The following CUBN variants were observed in gnomAD, a reference collection of about 807,000 sequenced individuals.
CUBN encodes the protein 460 kDa receptor.
In CUBN, 282 loss-of-function variants were observed where a neutral mutation model predicts 405.3. The ratio of observed to expected loss-of-function variants is 0.70; its 90% CI spans 0.63 to 0.77. The LOEUF is 0.77. Ranked by LOEUF, CUBN falls within the 30% of genes least tolerant of loss-of-function variation. The pLI, the probability that CUBN is intolerant of heterozygous loss-of-function variation, is 0.00. For synonymous variants in CUBN, 1,684 were observed against 1,617.0 expected, an observed-to-expected ratio of 1.04 and a Z score of -0.99; for missense variants, 4,514 against 4,475.2, an observed-to-expected ratio of 1.01 and a Z score of -0.25.
rs1213142589 is a variant in CUBN, at chr10:16,970,576, C to CAA, written c.4695+11906_4695+11907dup. ...GGGCAACAAGAGTGAAACTCCATCT[C>CAA]AAAAAAAAAAAAAAAATCAAAGTGG... On this transcript the variant is annotated intron_variant, in intron 31 of 66. Transcript: ENST00000377833. 7.2e-4 allele frequency among the ~76,000 whole-genome samples: 87 copies of CAA among 121,590 alleles called. 2 individuals carry two copies. Among genetic ancestry groups the CAA allele is most frequent in the Middle Eastern group, 4.4e-3 (1 of 226 alleles). 79.8% of individuals were successfully genotyped at this position (121,590 alleles called of 152,430 possible).
At position 17,063,311 on chromosome 10, in the gene CUBN, G is replaced by C. The variant is rs1194888546; in HGVS notation, c.3139+2197C>G. 2.0e-5 allele frequency among the ~76,000 whole-genome samples: 3 copies of C among 152,238 alleles called. No homozygotes were observed. The East Asian group carries it at 5.8e-4, about 29-fold the overall frequency. Reference sequence around the variant, plus strand: ...CCTATGAGTTCATCCAACAACAAGCGGGCACAGTGACCAGCCGGGCTCAGC... The same window carrying C: ...CCTATGAGTTCATCCAACAACAAGCCGGCACAGTGACCAGCCGGGCTCAGC... On this transcript the variant is annotated intron_variant, in intron 22 of 66. Transcript: ENST00000377833.
At chr10:17,022,529 A>C (rs576878629) in intron 27 of CUBN, among the ~76,000 whole-genome samples, 1 of 152,348 alleles carries the variant, frequency 6.6e-6, no homozygotes, top group East Asian at 1.9e-4. Flanking sequence ...ATAAAGCAAC[A>C]GAAAATGAAG....
At chr10:17,126,920 T>C (rs1262817451) in intron 3 of CUBN, 121 bp from the exon 4 acceptor site, 1 of 960,718 alleles carries the variant, frequency 1.0e-6, no homozygotes. Context: ...TCATTCCTCC[T>C]TTTATTCCCT....
intron 28 of CUBN, among the ~76,000 whole-genome samples, chr10:17,011,998 C>A (rs1471264332): frequency 1.3e-5 from 2 of 152,184 alleles, no homozygotes; most frequent in Non-Finnish European, 2.9e-5. Flanking sequence ...CTAGCTACTT[C>A]CCGCTGGATA....
rs771526591 is a variant in CUBN at position 16,990,553 on chromosome 10, C to A, written c.4169-38G>T. On this transcript the variant is annotated intron_variant, in intron 28 of 66. Coordinates refer to ENST00000377833, the MANE Select transcript of CUBN (RefSeq NM_001081.4). The stretch of plus-strand genomic sequence containing the variant: ...AAAGGTTCAGTCAGTTCAAAGTGGG[C>A]AACAGCACATGGAAAATAATTCCAA... 1.9e-6 allele frequency: 3 copies of A among 1,594,746 alleles called. No homozygotes were observed. The African/African-American group carries it at 4.0e-5, about 21-fold the overall frequency.
At chr10:17,052,756 T>C (rs1308609242) in intron 22 of CUBN, among the ~76,000 whole-genome samples, 2 of 54,844 alleles carry the variant, frequency 3.6e-5, no homozygotes, top group Non-Finnish European at 5.9e-5. Context: ...TGAGACTCAG[T>C]CTCAAAAAAA....
At chr10:16,883,289 C>T (rs527298467) in intron 56 of CUBN, among the ~76,000 whole-genome samples, 1 of 152,236 alleles carries the variant, frequency 6.6e-6, no homozygotes, top group Admixed American at 6.5e-5. Flanking sequence ...GCACGAAGGC[C>T]AAACAAATTA....
intron 17 of CUBN, among the ~76,000 whole-genome samples, chr10:17,083,847 T>C (rs1408097552): frequency 6.6e-6 from 1 of 152,186 alleles, no homozygotes; most frequent in Non-Finnish European, 1.5e-5. Flanking sequence ...AGCCTGTCTC[T>C]GTTTCAAATA....
chr10:16,919,294 C>T (rs1005865131), intron 44 of CUBN, among the ~76,000 whole-genome samples: 2 of 152,170 alleles, frequency 1.3e-5, no homozygotes, highest in African/African-American at 4.8e-5. Flanking sequence ...CCAATTAATG[C>T]TCCATGAGTG....
chr10:17,018,627 G>A (rs878986600), intron 28 of CUBN, among the ~76,000 whole-genome samples: 4 of 152,112 alleles, frequency 2.6e-5, no homozygotes, highest in East Asian at 3.9e-4. Context: ...GTGGGTTGCC[G>A]CTGCTGGCTA....
At position 17,122,773 on chromosome 10, in the gene CUBN, CAAAAAA is replaced by C. The variant is rs35530629; in HGVS notation, c.593+16_593+21del. The C allele has an allele frequency of 2.0e-5, 26 of 1,273,692 alleles. No individual in the cohort carries two copies. The highest frequency in any genetic ancestry group is 2.3e-4 in the Middle Eastern group (1 of 4,352). 78.9% of individuals were successfully genotyped at this position (1,273,692 alleles called of 1,614,324 possible). ...CCTTCAAAAATATACTGATATTTAC[CAAAAAA>C]AAAAAAAAAAGTTACCTGTAACTTC... is the stretch of plus-strand genomic sequence containing the variant. On this transcript the variant is annotated intron_variant, in intron 6 of 66. Transcript: ENST00000377833.
At chr10:16,961,831 C>T (rs910037825) in intron 31 of CUBN, among the ~76,000 whole-genome samples, 1 of 151,092 alleles carries the variant, frequency 6.6e-6, no homozygotes, top group African/African-American at 2.4e-5. Flanking sequence ...CCTGCCTCAG[C>T]CTCCTGAGTA....
At position 17,045,160 on chromosome 10, in the gene CUBN, G is replaced by T. The variant is rs369192214; in HGVS notation, c.3519C>A (p.Ser1173Arg). 2 of 1,613,702 alleles carry T rather than the reference G, an allele frequency of 1.2e-6. No homozygotes were observed. Among genetic ancestry groups the T allele is most frequent in the Admixed American group, 1.7e-5 (1 of 59,926 alleles). ...GGTAGTTGGGAGATATGAACGTGCC[G>T]CTTGAAGTGGTGAGATTACCCCCGC... ...TGCGGNLTTSSGTFISPNYPM... is the reference protein window; with the variant it reads ...TGCGGNLTTSRGTFISPNYPM... The change falls in exon 25 of 67, where the codon AGC becomes AGA. Residue 1173 changes from serine to arginine, a missense_variant. Coordinates refer to ENST00000377833, the MANE Select transcript of CUBN (RefSeq NM_001081.4).
chr10:17,112,042 G>T (rs1326458094), intron 8 of CUBN, among the ~76,000 whole-genome samples: 3 of 152,174 alleles, frequency 2.0e-5, no homozygotes, highest in Non-Finnish European at 4.4e-5. Flanking sequence ...AGAGGAAGGA[G>T]AACAAATGAC....
intron 31 of CUBN, chr10:16,965,870 G>A: frequency 2.3e-6 from 1 of 435,972 alleles, no homozygotes; most frequent in South Asian, 1.7e-5. Flanking sequence ...TTGCAGCAGG[G>A]AAAACTGAGC....
chr10:16,974,516 C>A, intron 31 of CUBN, among the ~76,000 whole-genome samples: 1 of 147,974 alleles, frequency 6.8e-6, no homozygotes, highest in Non-Finnish European at 1.5e-5. Flanking sequence ...CTCTGCCTCC[C>A]GAGTTCCCGC....
chr10:17,071,044 C>A (rs141868136), intron 19 of CUBN, among the ~76,000 whole-genome samples: 1 of 152,240 alleles, frequency 6.6e-6, no homozygotes, highest in African/African-American at 2.4e-5. Context: ...CCTTCTACTC[C>A]TAGTTTGTTG....
In CUBN at chr10:17,071,621, T is replaced by C. The variant is rs1413468935; in HGVS notation, c.2447-17A>G. 2 of 1,608,978 alleles carry C rather than the reference T, an allele frequency of 1.2e-6. No homozygotes were observed. The highest frequency in any genetic ancestry group is 1.7e-6 in the Non-Finnish European group (2 of 1,176,452). On this transcript the variant is annotated splice_polypyrimidine_tract_variant and intron_variant, in intron 18 of 66. Coordinates refer to ENST00000377833, the MANE Select transcript of CUBN (RefSeq NM_001081.4). ...CCCCGCAAGCTGTAAGCATAAAAAT[T>C]ATAGTAGTGCTTGTCCAGATATTAA...
chr10:17,060,633 A>G (rs1478724184), intron 22 of CUBN, among the ~76,000 whole-genome samples: 10 of 152,280 alleles, frequency 6.6e-5, no homozygotes. Context: ...GTAAATCTTT[A>G]AAAGACGAAT....
Sources: gnomAD v4.1 joint callset for allele counts (sites outside exome capture counted in the v4.1 genomes callset) on GRCh38, gnomAD v4.1.1 for gene constraint, MANE v1.5 for transcripts, NCBI Gene and HGNC (gene_info 2026-07-23, HGNC 2026-07-21) for gene names.